Variants in H6PD observed in about 807,000 individuals in gnomAD.
The protein encoded by H6PD is hexose-6-phosphate dehydrogenase/glucose 1-dehydrogenase, also known as GDH/6PGL endoplasmic bifunctional protein.
H6PD carries 48 observed loss-of-function variants against 61.2 expected under a neutral mutation model. That is an observed-to-expected ratio of 0.78 (90% confidence interval 0.62 to 1.00). H6PD has a LOEUF of 1.00. Ranked by LOEUF, H6PD falls within the 50% of genes least tolerant of loss-of-function variation. The pLI is 0.00. For synonymous variants in H6PD, 480 were observed against 457.9 expected, an observed-to-expected ratio of 1.05 and a Z score of -0.62; for missense variants, 1,093 against 1,065.0, an observed-to-expected ratio of 1.03 and a Z score of -0.37.
rs1638522377 is a variant in H6PD, at chr1:9,265,369, T to C, written c.*500T>C. ...CATTGCCCCGTGCAAAGCAGGGGCA[T>C]TGGGGACTGTCTTGAGACCCTGAGG... On this transcript the variant is annotated 3_prime_UTR_variant, in exon 5 of 5. Transcript: ENST00000377403. The C allele has an allele frequency of 8.4e-6, 2 of 238,694 alleles. No individual in the cohort carries two copies. Among genetic ancestry groups the C allele is most frequent in the East Asian group, 2.1e-4 (2 of 9,480 alleles). 14.8% of individuals were successfully genotyped at this position (238,694 alleles called of 1,614,324 possible).
At chr1:9,263,381 G>C in intron 4 of H6PD, 128 bp from the exon 5 acceptor site, 1 of 864,712 alleles carries the variant, frequency 1.2e-6, no homozygotes, top group South Asian at 1.3e-5. Flanking sequence ...CGAGGGGTGA[G>C]CATGGCAAGG....
chr1:9,240,089 G>T, intron 1 of H6PD: 1 of 1,023,852 alleles, frequency 9.8e-7, no homozygotes, highest in Non-Finnish European at 1.3e-6. Flanking sequence ...GGGTGCCCAG[G>T]ACTGGGTTCA....
At position 9,245,290 on chromosome 1, in the gene H6PD, C is replaced by G. The variant is rs375405395; in HGVS notation, c.356C>G (p.Ala119Gly). ...CTGAAGACGGCCGAGGACTATCAGG[C>G]CCTGAACAAGGACATCGAGGCACAG... is the stretch of plus-strand genomic sequence containing the variant. The part of the protein sequence containing the change: ...RQLKTAEDYQ[A>G]LNKDIEAQLQ... Residue 119 changes from alanine (A) to glycine (G), a missense_variant, in exon 2 of 5, where the codon GCC (alanine) becomes GGC (glycine). By Grantham distance (60) the Ala-to-Gly change is moderately conservative. Coordinates refer to ENST00000377403, the MANE Select transcript of H6PD (RefSeq NM_004285.4). The surrounding 1 kb of genome is among the most constrained non-coding windows in gnomAD (Gnocchi z 4.8). The G allele has an allele frequency of 2.5e-6, 4 of 1,614,090 alleles. No individual in the cohort carries two copies. The highest frequency in any genetic ancestry group is 3.3e-5 in the Admixed American group (2 of 60,010).
intron 1 of H6PD, among the ~76,000 whole-genome samples, chr1:9,237,520 A>G (rs947796202): frequency 6.6e-6 from 1 of 152,118 alleles, no homozygotes; most frequent in Non-Finnish European, 1.5e-5. Context: ...GGCGTAAGCC[A>G]CTGCGCCTGG....
chr1:9,244,690 G>T (rs945011112), intron 1 of H6PD, among the ~76,000 whole-genome samples: 4 of 152,356 alleles, frequency 2.6e-5, no homozygotes, highest in Admixed American at 1.3e-4. Context: ...CTAGCAAGTG[G>T]TCTCTAACTT....
intron 3 of H6PD, among the ~76,000 whole-genome samples, chr1:9,259,438 T>G (rs906579980): frequency 6.6e-6 from 1 of 152,264 alleles, no homozygotes; most frequent in Non-Finnish European, 1.5e-5. Context: ...ACCAGTGTTA[T>G]GTTGCTGTTA....
intron 1 of H6PD, among the ~76,000 whole-genome samples, chr1:9,237,754 C>G (rs946297155): frequency 1.6e-4 from 24 of 152,196 alleles, no homozygotes; most frequent in African/African-American, 5.5e-4. Context: ...TGCTGTGTCA[C>G]AGTGCTTGAA....
chr1:9,263,372 G>A (rs137898361), intron 4 of H6PD, 137 bp from the exon 5 acceptor site: 40 of 815,858 alleles, frequency 4.9e-5, no homozygotes, highest in East Asian at 1.2e-4. Flanking sequence ...GATGCCAGGC[G>A]AGGGGTGAGC....
At chr1:9,250,582 C>T (rs1179347341) in intron 3 of H6PD, among the ~76,000 whole-genome samples, 3 of 152,094 alleles carry the variant, frequency 2.0e-5, no homozygotes, top group Non-Finnish European at 4.4e-5. Context: ...TGTCCTCTGC[C>T]CTGCCAAGGG....
chr1:9,239,446 G>C (rs1379457902), intron 1 of H6PD, among the ~76,000 whole-genome samples: 1 of 152,150 alleles, frequency 6.6e-6, no homozygotes, highest in Non-Finnish European at 1.5e-5. Flanking sequence ...CAGATCAGAG[G>C]TCATTGATAG....
At position 9,269,168 on chromosome 1, in the gene H6PD, G is replaced by A. The variant is rs1638670318; in HGVS notation, c.*4299G>A. The A allele has an allele frequency of 6.6e-6, 1 of 152,248 alleles. No homozygotes were observed. The highest frequency in any genetic ancestry group is 1.5e-5 in the Non-Finnish European group (1 of 68,078). The allele number at this position is 152,248 out of a possible 1,614,324, so 9.4% of individuals were successfully genotyped here. On this transcript the variant is annotated 3_prime_UTR_variant, in exon 5 of 5. Coordinates refer to ENST00000377403, the MANE Select transcript of H6PD (RefSeq NM_004285.4). The surrounding 1 kb of genome is among the most constrained non-coding windows in gnomAD (Gnocchi z 4.3). ...ACGACAAATGAGACTCTGCAAATGAGACTCCAGAGGGTGAAGATCTGCGGT... is the reference window on the plus strand; with the variant it reads ...ACGACAAATGAGACTCTGCAAATGAAACTCCAGAGGGTGAAGATCTGCGGT...
intron 3 of H6PD, among the ~76,000 whole-genome samples, chr1:9,250,736 C>G (rs1037529250): frequency 1.8e-4 from 28 of 152,174 alleles, no homozygotes; most frequent in African/African-American, 6.0e-4. Flanking sequence ...GGAAATGGAG[C>G]ATTCCCGGTC....
chr1:9,262,275 G>T lies in H6PD; in HGVS notation c.962G>T (p.Arg321Leu), dbSNP rs140867232. 2.7e-5 allele frequency: 44 copies of T among 1,608,974 alleles called. No homozygotes were observed. The highest frequency in any genetic ancestry group is 1.3e-5 in the African/African-American group (1 of 74,822). Residue 321 changes from arginine (R) to leucine (L), a missense_variant, in exon 4 of 5, where the codon CGC (arginine) becomes CTC (leucine). Transcript: ENST00000377403. ...GQYQSYSEQVRRELQKPDSFH... is the reference protein window; with the variant it reads ...GQYQSYSEQVLRELQKPDSFH... ...TACCAGTCTTACAGTGAGCAGGTGC[G>T]CAGAGAGCTGCAGAAGCCAGACAGC...
intron 1 of H6PD, among the ~76,000 whole-genome samples, chr1:9,236,347 G>A (rs575414529): frequency 6.6e-6 from 1 of 152,264 alleles, no homozygotes; most frequent in African/African-American, 2.4e-5. Context: ...CATTCGTGAA[G>A]CTAATGGTTT....
intron 3 of H6PD, among the ~76,000 whole-genome samples, chr1:9,250,646 C>T (rs1407878950): frequency 6.6e-6 from 1 of 152,192 alleles, no homozygotes; most frequent in Admixed American, 6.5e-5. Flanking sequence ...CCCTAGCTGA[C>T]TCCTAGGCAG....
In H6PD at chr1:9,247,045, G is replaced by A. The variant is rs373984031; in HGVS notation, c.707G>A (p.Arg236Gln). The stretch of plus-strand genomic sequence containing the variant: ...CTCTGGAACCGGCACCATGTGGAGC[G>A]GGTGGAGATCATCATGAAAGAGACC... ...DGLWNRHHVE[R>Q]VEIIMKETVD... The change falls in exon 3 of 5, where the codon CGG becomes CAG. Residue 236 changes from arginine to glutamine, a missense_variant. Physicochemically the swap from Arg to Gln is conservative, Grantham distance 43 (BLOSUM62 1). Coordinates refer to ENST00000377403, the MANE Select transcript of H6PD (RefSeq NM_004285.4). The A allele has an allele frequency of 3.7e-6, 6 of 1,613,522 alleles. No homozygotes were observed. The highest frequency in any genetic ancestry group is 1.7e-5 in the Admixed American group (1 of 60,006).
intron 3 of H6PD, among the ~76,000 whole-genome samples, chr1:9,257,571 T>C (rs1467486696): frequency 6.6e-6 from 1 of 152,214 alleles, no homozygotes; most frequent in East Asian, 1.9e-4. Flanking sequence ...CTGAACGTAG[T>C]GCTGTGTTAG....
intron 3 of H6PD, among the ~76,000 whole-genome samples, chr1:9,253,794 T>C (rs1301265018): frequency 1.3e-5 from 2 of 152,256 alleles, no homozygotes; most frequent in African/African-American, 4.8e-5. Flanking sequence ...CTGTGTTTTC[T>C]AACCTCTTTA....
At chr1:9,263,290 G>A (rs575680627) in intron 4 of H6PD, among the ~76,000 whole-genome samples, 1 of 152,320 alleles carries the variant, frequency 6.6e-6, no homozygotes, top group African/African-American at 2.4e-5. Context: ...ATGAAGGCAG[G>A]TGTCAAAGCC....
Sources: allele counts gnomAD v4.1 joint callset (sites outside exome capture counted in the v4.1 genomes callset), GRCh38; gene constraint gnomAD v4.1.1; non-coding constraint Gnocchi (gnomAD v3.1); transcripts MANE v1.5; gene names NCBI Gene and HGNC (gene_info 2026-07-23, HGNC 2026-07-21).